The following IQCH variants were observed in gnomAD, a reference collection of about 807,000 sequenced individuals.
IQCH encodes IQ motif containing H, also known as IQ domain-containing protein H.
In IQCH, 98 loss-of-function variants were observed where a neutral mutation model predicts 117.0. The ratio of observed to expected loss-of-function variants is 0.84; its 90% CI spans 0.71 to 0.99. The LOEUF is 0.99. Among genes scored for constraint, IQCH ranks in the 50% least tolerant of loss-of-function variants. IQCH has a pLI of 0.00. For missense variants in IQCH, 1,102 were observed against 1,243.8 expected, an observed-to-expected ratio of 0.89 and a Z score of 1.72; for synonymous variants, 412 against 448.2, an observed-to-expected ratio of 0.92 and a Z score of 1.02.
At chr15:67,306,221 G>A (rs924794636) in intron 4 of IQCH, among the ~76,000 whole-genome samples, 2 of 152,064 alleles carry the variant, frequency 1.3e-5, no homozygotes, top group African/African-American at 2.4e-5. Flanking sequence ...TGTGAGAGAA[G>A]TGTGTTCAGG....
At chr15:67,373,630 C>A in intron 10 of IQCH, 197 bp downstream of exon 10, 1 of 663,374 alleles carries the variant, frequency 1.5e-6, no homozygotes, top group Non-Finnish European at 2.7e-6. Flanking sequence ...CAAATAAAGT[C>A]ATTATGTGGG....
At chr15:67,438,742 C>T (rs961972417) in intron 16 of IQCH, among the ~76,000 whole-genome samples, 2 of 152,116 alleles carry the variant, frequency 1.3e-5, no homozygotes, top group South Asian at 2.1e-4. Context: ...ACACCAAAAG[C>T]GAGCAGGGGT....
chr15:67,382,411 A>G (rs1240441849), intron 10 of IQCH, among the ~76,000 whole-genome samples: 1 of 152,206 alleles, frequency 6.6e-6, no homozygotes, highest in Non-Finnish European at 1.5e-5. Flanking sequence ...GTTGATAGCA[A>G]CCTTAATTCC....
intron 13 of IQCH, among the ~76,000 whole-genome samples, chr15:67,398,491 C>T (rs1329604757): frequency 6.6e-6 from 1 of 152,114 alleles, no homozygotes; most frequent in Non-Finnish European, 1.5e-5. Context: ...GGAGCTAAGA[C>T]AATTTTAATT....
Position 67,277,691 on chromosome 15 carries a change from G to A in IQCH, c.270-1704G>A, listed in dbSNP as rs143520615. Among the ~76,000 whole-genome samples the A allele has an allele frequency of 3.9e-5, 6 of 152,092 alleles. No individual in the cohort carries two copies. In the East Asian group the frequency reaches 7.7e-4, roughly 20 times the overall value. ...TGGAACAACAGGCACATGCCACCAC[G>A]CCTGGCTAATTTTTTGTATTTTTAG... On this transcript the variant is annotated intron_variant, in intron 3 of 20. Coordinates refer to ENST00000335894, the MANE Select transcript of IQCH (RefSeq NM_001031715.3).
chr15:67,402,110 T>C (rs1041452179), intron 14 of IQCH, among the ~76,000 whole-genome samples: 2 of 152,232 alleles, frequency 1.3e-5, no homozygotes, highest in African/African-American at 4.8e-5. Context: ...TCATTGTGCA[T>C]TATTTAAATT....
chr15:67,324,432 A>G (rs1360338663), intron 4 of IQCH, among the ~76,000 whole-genome samples: 1 of 151,890 alleles, frequency 6.6e-6, no homozygotes, highest in Non-Finnish European at 1.5e-5. Flanking sequence ...CAACATGACA[A>G]AACCCCGCCT....
In IQCH at chr15:67,274,009, C is replaced by T. The variant is rs113254898; in HGVS notation, c.270-5386C>T. Among the ~76,000 whole-genome samples, 709 of 152,272 alleles carry T rather than the reference C, an allele frequency of 4.7e-3. 7 individuals carry two copies. The highest frequency in any genetic ancestry group is 0.016 in the African/African-American group (681 of 41,558). On this transcript the variant is annotated intron_variant, in intron 3 of 20. Transcript: ENST00000335894. ...TTTCACATTCTCTCTTGGCTTATAT[C>T]GTTTCCATTGAGAAGTCGTTTGCCA...
intron 4 of IQCH, among the ~76,000 whole-genome samples, chr15:67,309,263 A>T (rs995741367): frequency 6.6e-6 from 1 of 152,094 alleles, no homozygotes; most frequent in Non-Finnish European, 1.5e-5. Context: ...CCATTGTTTT[A>T]TACTGTCATT....
rs756524127 is a variant in IQCH at position 67,416,517 on chromosome 15, CA to C, written c.2098-403del. Among the ~76,000 whole-genome samples, 542 of 126,458 alleles carry C rather than the reference CA, an allele frequency of 4.3e-3. 4 individuals carry two copies. Among genetic ancestry groups the C allele is most frequent in the African/African-American group, 0.013 (459 of 34,280 alleles). 83.0% of individuals were successfully genotyped at this position (126,458 alleles called of 152,430 possible). A position where few individuals can be genotyped will look rare whatever the true frequency, so the allele number is the denominator to read the frequency against. On this transcript the variant is annotated intron_variant, in intron 14 of 20. Transcript: ENST00000335894. This position sits in a 1 kb window ranked among gnomAD's most constrained non-coding sequence, Gnocchi z 5.1. ...GGGCAACAAGAGCAAAACTGCGTCT[CA>C]AAAAAAAAAAGAAAAAACAAAAAAC...
intron 16 of IQCH, among the ~76,000 whole-genome samples, chr15:67,460,683 T>C (rs2082770763): frequency 6.6e-6 from 1 of 152,228 alleles, no homozygotes; most frequent in East Asian, 1.9e-4. Flanking sequence ...TGGCAACAAG[T>C]GATTTCTGAC....
Position 67,411,612 on chromosome 15 carries a change from A to G in IQCH, c.2098-5319A>G, listed in dbSNP as rs367772919. On this transcript the variant is annotated intron_variant, in intron 14 of 20. Transcript: ENST00000335894. The surrounding 1 kb of genome is among the most constrained non-coding windows in gnomAD (Gnocchi z 4.4). ...CCACTGCAGATTGGCACATGACCCAATTACACCAATGTGTGTCTGTATGTG... is the reference window on the plus strand; with the variant it reads ...CCACTGCAGATTGGCACATGACCCAGTTACACCAATGTGTGTCTGTATGTG... Among the ~76,000 whole-genome samples the G allele has an allele frequency of 2.0e-4, 30 of 151,862 alleles. No individual in the cohort carries two copies. The highest frequency in any genetic ancestry group is 5.8e-4 in the African/African-American group (24 of 41,564).
intron 3 of IQCH, among the ~76,000 whole-genome samples, chr15:67,266,372 C>T (rs937017411): frequency 2.0e-5 from 3 of 152,042 alleles, no homozygotes; most frequent in African/African-American, 7.2e-5. Flanking sequence ...AGACATCATA[C>T]TCCGCTGGGT....
intron 4 of IQCH, among the ~76,000 whole-genome samples, chr15:67,332,121 A>AAG (rs1164195304): frequency 1.3e-5 from 2 of 152,192 alleles, no homozygotes; most frequent in Non-Finnish European, 2.9e-5. Context: ...ATGAAAGAGA[A>AAG]AGGGTATTCG....
Position 67,500,561 on chromosome 15 carries a change from A to C in IQCH, c.2971-72A>C, listed in dbSNP as rs1012310600. 4.2e-5 allele frequency: 31 copies of C among 735,466 alleles called. No homozygotes were observed. The highest frequency in any genetic ancestry group is 6.6e-5 in the Non-Finnish European group (29 of 441,062). The allele number at this position is 735,466 out of a possible 1,614,324, so 45.6% of individuals were successfully genotyped here. A position where few individuals can be genotyped will look rare whatever the true frequency, so the allele number is the denominator to read the frequency against. ...CTGGTCTAAACCATGGTGAACTCCC[A>C]AAAGGACCAGATGCTTGGGGGAGAG... On this transcript the variant is annotated intron_variant, in intron 20 of 20. Coordinates refer to ENST00000335894, the MANE Select transcript of IQCH (RefSeq NM_001031715.3). This position sits in a 1 kb window ranked among gnomAD's most constrained non-coding sequence, Gnocchi z 4.4.
At position 67,372,471 on chromosome 15, in the gene IQCH, G is replaced by A; in HGVS notation, c.1114G>A (p.Ala372Thr). The A allele has an allele frequency of 1.2e-6, 2 of 1,613,932 alleles. No homozygotes were observed. Among genetic ancestry groups the A allele is most frequent in the Non-Finnish European group, 1.7e-6 (2 of 1,179,972 alleles). ...RYKGQDGNSE[A>T]AMKIQATWKC... is the part of the protein sequence containing the mutation. The stretch of plus-strand genomic sequence containing the variant: ...CAAGGGCCAAGATGGAAATTCGGAG[G>A]CCGCCATGAAGATCCAAGCCACATG... The change falls in exon 9 of 21, where the codon GCC becomes ACC. Residue 372 changes from alanine (A) to threonine (T), a missense_variant. Ala to Thr is a moderately conservative substitution (Grantham distance 58, BLOSUM62 0). Transcript: ENST00000335894.
At chr15:67,341,135 C>A (rs1244267010) in intron 5 of IQCH, among the ~76,000 whole-genome samples, 1 of 152,062 alleles carries the variant, frequency 6.6e-6, no homozygotes, top group Admixed American at 6.6e-5. Flanking sequence ...TGGCTTGAGC[C>A]CTAGAGGCGG....
chr15:67,377,065 C>T (rs911268193), intron 10 of IQCH, among the ~76,000 whole-genome samples: 12 of 146,422 alleles, frequency 8.2e-5, no homozygotes, highest in Middle Eastern at 3.5e-3. Context: ...TGCAGTGAGC[C>T]GAGATCACGC....
chr15:67,303,461 A>G (rs1221826144), intron 4 of IQCH, among the ~76,000 whole-genome samples: 1 of 152,204 alleles, frequency 6.6e-6, no homozygotes, highest in Non-Finnish European at 1.5e-5. Context: ...AAATCACAAA[A>G]GACTAGAAAT....
Sources: allele counts gnomAD v4.1 joint callset (sites outside exome capture counted in the v4.1 genomes callset), GRCh38; gene constraint gnomAD v4.1.1; non-coding constraint Gnocchi (gnomAD v3.1); transcripts MANE v1.5; gene names NCBI Gene and HGNC (gene_info 2026-07-23, HGNC 2026-07-21).